TRAM1: variants seen among roughly 807,000 people sequenced by gnomAD.
The protein encoded by TRAM1 is translocation associated membrane protein 1, also known as translocating chain-associated membrane protein 1.
Under a neutral mutation model 48.7 loss-of-function variants are expected in TRAM1, and 17 were observed. The observed-to-expected ratio is 0.35, with a 90% confidence interval of 0.24 to 0.52. TRAM1 has a LOEUF of 0.52. TRAM1 is among the 20% of genes least tolerant of loss of function. The probability of loss-of-function intolerance (pLI) is 0.94; values close to 1 mark genes in which losing one functional copy is unlikely to be tolerated. For missense variants in TRAM1, 351 were observed against 441.5 expected, an observed-to-expected ratio of 0.79 and a Z score of 1.84; for synonymous variants, 182 against 154.0, an observed-to-expected ratio of 1.18 and a Z score of -1.34.
In TRAM1 at chr8:70,574,924, A is replaced by C. The variant is rs1011905375; in HGVS notation, c.*8T>G. 6.4e-7 allele frequency: 1 copy of C among 1,561,146 alleles called. No homozygotes were observed. The highest frequency in any genetic ancestry group is 8.8e-7 in the Non-Finnish European group (1 of 1,134,372). On this transcript the variant is annotated 3_prime_UTR_variant, in exon 11 of 11. Coordinates refer to ENST00000262213, the MANE Select transcript of TRAM1 (RefSeq NM_014294.6). ...TTTGGGGACATTAATCAATTAGTTT[A>C]TAATTCATTATGAAGATTTCTCTTT...
intron 5 of TRAM1, among the ~76,000 whole-genome samples, chr8:70,595,994 A>C (rs1164443772): frequency 6.6e-6 from 1 of 152,188 alleles, no homozygotes. Flanking sequence ...AGTATGAGTG[A>C]AAAGAAGGGA....
chr8:70,577,834 C>T (rs1816991103), intron 10 of TRAM1, among the ~76,000 whole-genome samples: 1 of 152,238 alleles, frequency 6.6e-6, no homozygotes, highest in Admixed American at 6.5e-5. Context: ...GGAGATGCCA[C>T]CACACTCCCC....
At chr8:70,597,773 C>T (rs1229504950) in intron 4 of TRAM1, 122 bp downstream of exon 4, 2 of 524,690 alleles carry the variant, frequency 3.8e-6, no homozygotes, top group East Asian at 4.1e-5. Context: ...AGAATTTTTG[C>T]TGTATAAAAA....
At chr8:70,580,751 A>G (rs934919192) in intron 10 of TRAM1, among the ~76,000 whole-genome samples, 2 of 144,982 alleles carry the variant, frequency 1.4e-5, no homozygotes, top group Admixed American at 6.8e-5. Context: ...TTGCCCACCA[A>G]AAAAAAAAAA....
intron 1 of TRAM1, 25 bp from the exon 2 acceptor site, chr8:70,600,107 C>G: frequency 1.9e-6 from 3 of 1,600,482 alleles, no homozygotes; most frequent in Non-Finnish European, 1.7e-6. Flanking sequence ...AAACAAAGAT[C>G]AAGTCAATTT....
chr8:70,597,467 C>T (rs905030256), intron 4 of TRAM1, among the ~76,000 whole-genome samples: 7 of 151,836 alleles, frequency 4.6e-5, no homozygotes, highest in South Asian at 2.1e-4. Context: ...GTCAGGAGTT[C>T]GAGACCATCC....
chr8:70,604,663 A>G (rs1159917733), intron 1 of TRAM1, among the ~76,000 whole-genome samples: 2 of 152,220 alleles, frequency 1.3e-5, no homozygotes, highest in African/African-American at 4.8e-5. Flanking sequence ...GAAAGAAAAA[A>G]AAAACCCAAA....
At chr8:70,587,986 G>T (rs1462536070) in intron 6 of TRAM1, among the ~76,000 whole-genome samples, 1 of 152,042 alleles carries the variant, frequency 6.6e-6, no homozygotes, top group East Asian at 1.9e-4. Flanking sequence ...GGAGGCCGAG[G>T]TGGGAGGATC....
chr8:70,596,981 C>T (rs1167405955), intron 4 of TRAM1, among the ~76,000 whole-genome samples: 1 of 151,704 alleles, frequency 6.6e-6, no homozygotes, highest in Non-Finnish European at 1.5e-5. Flanking sequence ...TAAAGCAGCA[C>T]AGTAAAATGG....
At position 70,595,344 on chromosome 8, in the gene TRAM1, T is replaced by C. The variant is rs971542070; in HGVS notation, c.486-754A>G. Among the ~76,000 whole-genome samples the C allele has an allele frequency of 1.1e-4, 16 of 152,106 alleles. 1 individual carries two copies. Among genetic ancestry groups the C allele is most frequent in the Admixed American group, 8.5e-4 (13 of 15,266 alleles). ...GAGAGAATACAGTCCCACATAAATA[T>C]AATATTTACAAAGTTCGTTGAACTA... On this transcript the variant is annotated intron_variant, in intron 5 of 10. Transcript: ENST00000262213.
intron 6 of TRAM1, among the ~76,000 whole-genome samples, chr8:70,592,886 C>T (rs150322991): frequency 2.8e-4 from 43 of 152,308 alleles, no homozygotes; most frequent in African/African-American, 9.9e-4. Flanking sequence ...TGAAATGTGG[C>T]TACTGGGGCT....
chr8:70,606,981 T>G (rs1157466945), intron 1 of TRAM1: 1 of 959,916 alleles, frequency 1.0e-6, no homozygotes, highest in Non-Finnish European at 1.2e-6. Flanking sequence ...TCCTAGACTC[T>G]GGAAATACAG....
intron 10 of TRAM1, among the ~76,000 whole-genome samples, chr8:70,577,192 C>G (rs558581872): frequency 7.0e-4 from 107 of 152,276 alleles, no homozygotes; most frequent in African/African-American, 2.5e-3. Flanking sequence ...CCGAGGGGGG[C>G]TGAGGGCAGC....
chr8:70,597,886 C>T lies in TRAM1; in HGVS notation c.426+9G>A. The T allele has an allele frequency of 6.4e-7, 1 of 1,572,202 alleles. No individual in the cohort carries two copies. Among genetic ancestry groups the T allele is most frequent in the Non-Finnish European group, 8.7e-7 (1 of 1,154,280 alleles). ...GAAGGAGAACAACAACCTAAGAGGA[C>T]ATACTTACAGAGATGAGAATGAATG... On this transcript the variant is annotated intron_variant, in intron 4 of 10. Coordinates refer to ENST00000262213, the MANE Select transcript of TRAM1 (RefSeq NM_014294.6).
intron 5 of TRAM1, among the ~76,000 whole-genome samples, chr8:70,595,038 G>GTTT (rs11464494): frequency 9.6e-5 from 14 of 146,038 alleles, no homozygotes; most frequent in Non-Finnish European, 1.5e-4. Context: ...AATATCCTCT[G>GTTT]TTTTTTTTTT....
chr8:70,593,610 A>C (rs552610041), intron 6 of TRAM1, among the ~76,000 whole-genome samples: 1 of 151,966 alleles, frequency 6.6e-6, no homozygotes, highest in Non-Finnish European at 1.5e-5. Context: ...AAAAAAAAAA[A>C]AACTCCCAGA....
chr8:70,607,131 A>G (rs965860578), intron 1 of TRAM1: 7 of 984,434 alleles, frequency 7.1e-6, no homozygotes, highest in Non-Finnish European at 7.2e-6. Flanking sequence ...GGAAAAAAGC[A>G]AAGGAATGAG....
chr8:70,586,033 A>G (rs1817208856), intron 8 of TRAM1, among the ~76,000 whole-genome samples: 1 of 151,176 alleles, frequency 6.6e-6, no homozygotes, highest in Non-Finnish European at 1.5e-5. Context: ...CAAATGTCCA[A>G]CAATGATAGA....
At chr8:70,586,781 G>A (rs137954314) in intron 8 of TRAM1, 114 bp downstream of exon 8, 19 of 815,408 alleles carry the variant, frequency 2.3e-5, no homozygotes, top group Admixed American at 1.1e-4. Context: ...TATTTAAAGC[G>A]GCTACTGATC....
Sources: gnomAD v4.1 joint callset for allele counts (sites outside exome capture counted in the v4.1 genomes callset) on GRCh38, gnomAD v4.1.1 for gene constraint, MANE v1.5 for transcripts, NCBI Gene and HGNC (gene_info 2026-07-23, HGNC 2026-07-21) for gene names.